Variants in PTPRK observed in about 807,000 individuals in gnomAD.
PTPRK encodes the protein protein tyrosine phosphatase receptor type K.
A neutral mutation model predicts 178.0 loss-of-function variants in PTPRK; 75 were observed. The observed-to-expected ratio is 0.42, with a 90% CI of 0.35 to 0.51. The LOEUF (loss-of-function observed/expected upper bound fraction) is 0.51, where lower values mean the gene tolerates loss of function less well. Ranked by LOEUF, PTPRK falls within the 20% of genes least tolerant of loss-of-function variation. The pLI is 0.02. For missense variants in PTPRK, 1,441 were observed against 1,797.8 expected (o/e 0.80, Z 3.59); for synonymous variants, 637 against 620.6 (o/e 1.03, Z -0.39).
intron 1 of PTPRK, among the ~76,000 whole-genome samples, chr6:128,493,591 TACACAC>T (rs59656384): frequency 0.15 from 18,617 of 123,630 alleles, 1,516 homozygotes; most frequent in Non-Finnish European, 0.17. Flanking sequence ...TCCCGCCCCC[TACACAC>T]ACACACACAC....
At chr6:128,205,884 A>C (rs9398865) in intron 6 of PTPRK, among the ~76,000 whole-genome samples, 1 of 151,772 alleles carries the variant, frequency 6.6e-6, no homozygotes, top group East Asian at 1.9e-4. Context: ...CATTCAAAAG[A>C]TAAGTCACAT....
At chr6:128,356,987 A>T (rs899024337) in intron 2 of PTPRK, among the ~76,000 whole-genome samples, 2 of 152,180 alleles carry the variant, frequency 1.3e-5, no homozygotes, top group Non-Finnish European at 2.9e-5. Context: ...CCAAAACTTT[A>T]CACAAAGGCA....
chr6:128,029,257 C>T (rs781127851), intron 13 of PTPRK, among the ~76,000 whole-genome samples: 4 of 152,100 alleles, frequency 2.6e-5, no homozygotes, highest in Non-Finnish European at 5.9e-5. Flanking sequence ...TCACCTTCTG[C>T]CATGATTGTA....
At chr6:128,281,456 G>T (rs1476716167) in intron 3 of PTPRK, among the ~76,000 whole-genome samples, 1 of 152,186 alleles carries the variant, frequency 6.6e-6, no homozygotes, top group Non-Finnish European at 1.5e-5. Flanking sequence ...GCTGAAGGAA[G>T]AGAGTTCAGG....
intron 7 of PTPRK, among the ~76,000 whole-genome samples, chr6:128,141,733 ATTTAC>A (rs1795801006): frequency 6.6e-6 from 1 of 151,898 alleles, no homozygotes; most frequent in African/African-American, 2.4e-5. Flanking sequence ...TTTTATATTT[ATTTAC>A]TTTGTTTATA....
At chr6:128,444,564 C>T (rs564048460) in intron 1 of PTPRK, among the ~76,000 whole-genome samples, 7 of 152,122 alleles carry the variant, frequency 4.6e-5, no homozygotes, top group Admixed American at 1.3e-4. Context: ...TGTTTTTTAT[C>T]GCTTTAACTA....
intron 1 of PTPRK, among the ~76,000 whole-genome samples, chr6:128,474,157 G>A (rs918976086): frequency 6.6e-6 from 1 of 150,958 alleles, no homozygotes; most frequent in Non-Finnish European, 1.5e-5. Flanking sequence ...TAATTCAAAG[G>A]GAGAGCAGGA....
intron 2 of PTPRK, 63 bp downstream of exon 2, chr6:128,397,503 T>C: frequency 6.4e-7 from 1 of 1,571,908 alleles, no homozygotes; most frequent in East Asian, 2.2e-5. Flanking sequence ...ACACTTTAAA[T>C]AAGAAAATCA....
intron 1 of PTPRK, among the ~76,000 whole-genome samples, chr6:128,442,520 C>G (rs549108518): frequency 6.6e-6 from 1 of 152,264 alleles, no homozygotes; most frequent in South Asian, 2.1e-4. Context: ...ATATGGCCAC[C>G]CATAAGCCCT....
chr6:128,333,878 C>A (rs551547764), intron 2 of PTPRK, among the ~76,000 whole-genome samples: 174 of 152,266 alleles, frequency 1.1e-3, no homozygotes, highest in African/African-American at 4.1e-3. Flanking sequence ...TAAGCTTAAT[C>A]ATTTTTAGCT....
chr6:128,040,382 C>T (rs1776972252), intron 13 of PTPRK, among the ~76,000 whole-genome samples: 1 of 152,016 alleles, frequency 6.6e-6, no homozygotes, highest in Non-Finnish European at 1.5e-5. Flanking sequence ...GAAACCATCC[C>T]TACCTCAGAT....
intron 13 of PTPRK, among the ~76,000 whole-genome samples, chr6:128,047,317 A>G (rs1778214549): frequency 6.6e-6 from 1 of 152,230 alleles, no homozygotes; most frequent in Non-Finnish European, 1.5e-5. Context: ...TAATATTCTG[A>G]GTAAATAATA....
At chr6:128,463,926 A>ATT (rs1030313946) in intron 1 of PTPRK, among the ~76,000 whole-genome samples, 1 of 147,942 alleles carries the variant, frequency 6.8e-6, no homozygotes, top group Non-Finnish European at 1.5e-5. Flanking sequence ...TAATTTTTGT[A>ATT]TTTTTTTTTA....
intron 13 of PTPRK, among the ~76,000 whole-genome samples, chr6:128,042,918 C>T (rs563378533): frequency 2.0e-5 from 3 of 152,064 alleles, no homozygotes; most frequent in East Asian, 1.9e-4. Flanking sequence ...GCCATCTTTG[C>T]TCTGACATAA....
intron 1 of PTPRK, chr6:128,409,439 C>A: frequency 6.4e-6 from 2 of 314,554 alleles, no homozygotes; most frequent in South Asian, 2.8e-5. Flanking sequence ...TATAACTTTG[C>A]CAGAAGATGT....
intron 1 of PTPRK, chr6:128,409,217 G>A: frequency 2.6e-6 from 1 of 380,688 alleles, no homozygotes; most frequent in South Asian, 2.0e-5. Context: ...AGCATTTTAA[G>A]TCAGCCAACA....
rs1008462005 is a variant in PTPRK, at chr6:128,184,837, T to C, written c.869-112A>G. 4.5e-6 allele frequency: 5 copies of C among 1,098,986 alleles called. No individual in the cohort carries two copies. In the Admixed American group the frequency reaches 1.1e-4, roughly 25 times the overall value. The allele number at this position is 1,098,986 out of a possible 1,614,324, so 68.1% of individuals were successfully genotyped here. A position where few individuals can be genotyped will look rare whatever the true frequency, so the allele number is the denominator to read the frequency against. ...TGGATCATTTATTAGAAATGCATAATAAATACTTGAAAGAAAACTAGAAGA... is the reference window on the plus strand; with the variant it reads ...TGGATCATTTATTAGAAATGCATAACAAATACTTGAAAGAAAACTAGAAGA... On this transcript the variant is annotated intron_variant, in intron 6 of 29. Transcript: ENST00000368226.
At chr6:128,378,412 C>T (rs1208637740) in intron 2 of PTPRK, among the ~76,000 whole-genome samples, 2 of 152,032 alleles carry the variant, frequency 1.3e-5, no homozygotes, top group Non-Finnish European at 2.9e-5. Context: ...ACAATGCACA[C>T]AAACATAGAC....
intron 5 of PTPRK, among the ~76,000 whole-genome samples, chr6:128,225,917 G>C (rs934295792): frequency 3.3e-5 from 5 of 152,152 alleles, no homozygotes; most frequent in African/African-American, 1.2e-4. Context: ...CTGAAATAAA[G>C]CAGGGTAAAG....
Sources: gnomAD v4.1 joint callset for allele counts (sites outside exome capture counted in the v4.1 genomes callset) on GRCh38, gnomAD v4.1.1 for gene constraint, MANE v1.5 for transcripts, NCBI Gene and HGNC (gene_info 2026-07-23, HGNC 2026-07-21) for gene names.